Variants in TAF1B observed in about 807,000 individuals in gnomAD.
TAF1B encodes the protein TATA-box binding protein associated factor, RNA polymerase I subunit B.
TAF1B carries 61 observed loss-of-function variants against 83.9 expected under a neutral mutation model. That is an observed-to-expected ratio of 0.73 (90% CI 0.59 to 0.90). TAF1B has a LOEUF of 0.90. Ranked by LOEUF, TAF1B falls within the 40% of genes least tolerant of loss-of-function variation. The pLI is 0.00. For synonymous variants in TAF1B, 221 were observed against 224.6 expected, an observed-to-expected ratio of 0.98 and a Z score of 0.14; for missense variants, 625 against 677.0, an observed-to-expected ratio of 0.92 and a Z score of 0.85.
intron 8 of TAF1B, among the ~76,000 whole-genome samples, chr2:9,900,163 A>G (rs1490200585): frequency 6.6e-6 from 1 of 152,256 alleles, no homozygotes; most frequent in Non-Finnish European, 1.5e-5. Context: ...TCAGACAGGC[A>G]GGAGCTTAGC....
intron 5 of TAF1B, among the ~76,000 whole-genome samples, chr2:9,858,836 T>C (rs1287491593): frequency 6.6e-6 from 1 of 152,162 alleles, no homozygotes; most frequent in Non-Finnish European, 1.5e-5. Context: ...CTGCACAAAG[T>C]AACTGAGCCC....
intron 5 of TAF1B, 27 bp downstream of exon 5, chr2:9,854,448 T>A (rs1663494259): frequency 6.5e-7 from 1 of 1,539,158 alleles, no homozygotes; most frequent in East Asian, 2.2e-5. Flanking sequence ...AAAAGTTGGA[T>A]TAAAAAACAT....
At position 9,919,734 on chromosome 2, in the gene TAF1B, C is replaced by T; in HGVS notation, c.1479C>T (p.Ser493=). The change falls in exon 14 of 15, where the codon AGC becomes AGT. Residue 493 remains serine, a synonymous_variant. Transcript: ENST00000263663. ...DTDRTCFHGH[S]LQGVLKEKGQ... is the part of the protein sequence containing the mutation. ...ATAGAACGTGTTTCCATGGACACAG[C>T]CTTCAGGGAGTCCTGAAAGAGAAAG... 6.2e-7 allele frequency: 1 copy of T among 1,614,180 alleles called. No homozygotes were observed. The highest frequency in any genetic ancestry group is 8.5e-7 in the Non-Finnish European group (1 of 1,180,032).
intron 14 of TAF1B, 44 bp downstream of exon 14, chr2:9,919,864 G>A (rs1164725090): frequency 2.6e-6 from 4 of 1,548,692 alleles, no homozygotes; most frequent in East Asian, 4.7e-5. Flanking sequence ...TGAAGTAGTT[G>A]ACTGTATAAG....
rs1255528571 is a variant in TAF1B at position 9,868,391 on chromosome 2, C to T, written c.515C>T (p.Thr172Ile). The change falls in exon 6 of 15, where the codon ACT (threonine) becomes ATT (isoleucine). Residue 172 changes from threonine to isoleucine, a missense_variant. Thr to Ile is a moderately conservative substitution (Grantham distance 89). Coordinates refer to ENST00000263663, the MANE Select transcript of TAF1B (RefSeq NM_005680.3). ...SGAESQSDIH[T>I]RKPFPVSKAS... ...GCGGAGTCTCAGTCTGACATCCACACTCGAAAACCTTTCCCCGTCAGCAAA... is the reference window on the plus strand; with the variant it reads ...GCGGAGTCTCAGTCTGACATCCACATTCGAAAACCTTTCCCCGTCAGCAAA... 3.1e-6 allele frequency: 5 copies of T among 1,613,600 alleles called. No homozygotes were observed. In the African/African-American group the frequency reaches 6.7e-5, roughly 22 times the overall value.
chr2:9,879,275 A>G (rs1026879856), intron 7 of TAF1B, among the ~76,000 whole-genome samples: 17 of 152,190 alleles, frequency 1.1e-4, no homozygotes, highest in African/African-American at 4.1e-4. Context: ...ATTAAGTAAA[A>G]TATAAGGGGT....
intron 8 of TAF1B, among the ~76,000 whole-genome samples, chr2:9,883,779 A>C (rs1372801743): frequency 6.6e-6 from 1 of 152,260 alleles, no homozygotes; most frequent in Non-Finnish European, 1.5e-5. Flanking sequence ...CAAAGGATTA[A>C]GAGTACTCCC....
intron 8 of TAF1B, among the ~76,000 whole-genome samples, chr2:9,883,110 T>A (rs1275853115): frequency 2.6e-5 from 4 of 152,206 alleles, no homozygotes; most frequent in Non-Finnish European, 5.9e-5. Context: ...TTCAATTTTT[T>A]AAAAATAAAA....
chr2:9,930,385 C>T (rs151122519), intron 14 of TAF1B, among the ~76,000 whole-genome samples: 7,374 of 152,226 alleles, frequency 0.048, 234 homozygotes, highest in Non-Finnish European at 0.073. Flanking sequence ...TGTCTTTGTT[C>T]TCATTGGTTT....
intron 9 of TAF1B, among the ~76,000 whole-genome samples, chr2:9,906,539 G>C (rs1009723206): frequency 3.3e-5 from 5 of 152,122 alleles, no homozygotes; most frequent in Non-Finnish European, 7.4e-5. Flanking sequence ...CCAAAAGAAA[G>C]GGAAGGGTTA....
chr2:9,847,938 T>C (rs1451249534), intron 2 of TAF1B, among the ~76,000 whole-genome samples: 1 of 152,246 alleles, frequency 6.6e-6, no homozygotes, highest in Non-Finnish European at 1.5e-5. Flanking sequence ...TACTTTTATC[T>C]AAACATTTGC....
intron 13 of TAF1B, 142 bp downstream of exon 13, chr2:9,919,253 A>C (rs1334190897): frequency 2.9e-6 from 2 of 679,386 alleles, no homozygotes; most frequent in Non-Finnish European, 5.0e-6. Context: ...CCAAAGGAGC[A>C]TCATACTCTG....
intron 8 of TAF1B, among the ~76,000 whole-genome samples, chr2:9,904,063 C>T (rs960568984): frequency 1.3e-5 from 2 of 152,124 alleles, no homozygotes; most frequent in Non-Finnish European, 2.9e-5. Flanking sequence ...TTTTCTTAAG[C>T]ATTCCAAATA....
In TAF1B at chr2:9,919,635, GGTCGA is replaced by G; in HGVS notation, c.1384_1388del (p.Glu462AsnfsTer18). 1 of 1,614,058 alleles carries G rather than the reference GGTCGA, an allele frequency of 6.2e-7. No homozygotes were observed. Among genetic ancestry groups the G allele is most frequent in the Non-Finnish European group, 8.5e-7 (1 of 1,180,012 alleles). On this transcript the variant is annotated frameshift_variant, in exon 14 of 15. Transcript: ENST00000263663. LOFTEE classifies it high-confidence loss of function. ...ATCTACAGAAACAATTTAGCACACT[GGTCGA>G]GTCAACAGCAACTGCTGGAAAAAAA...
At chr2:9,910,564 C>A (rs1426627128) in intron 9 of TAF1B, among the ~76,000 whole-genome samples, 172 bp from the exon 10 acceptor site, 4 of 152,178 alleles carry the variant, frequency 2.6e-5, no homozygotes, top group Non-Finnish European at 5.9e-5. Flanking sequence ...TTTTAAGATT[C>A]TACCATTCAT....
intron 14 of TAF1B, among the ~76,000 whole-genome samples, chr2:9,921,869 G>A (rs1035241541): frequency 5.3e-5 from 8 of 152,178 alleles, no homozygotes; most frequent in East Asian, 3.9e-4. Context: ...TAATAATAGC[G>A]AAAAGGCCAT....
intron 1 of TAF1B, 166 bp downstream of exon 1, chr2:9,843,725 G>A: frequency 1.5e-6 from 1 of 680,192 alleles, no homozygotes; most frequent in South Asian, 2.3e-5. Flanking sequence ...CTGGCCGGCC[G>A]CATGCGCGCG....
Position 9,875,893 on chromosome 2 carries a change from T to C in TAF1B, c.582T>C (p.Asp194=), listed in dbSNP as rs1239714098. ...SETSVCSGSL[D]GVEYSQRKEK... is the part of the protein sequence containing the mutation. The stretch of plus-strand genomic sequence containing the variant: ...CGTCTGTCTGCTCTGGATCTCTGGA[T>C]GGAGTTGAATACTCACAACGAAAGG... Residue 194 remains aspartate (D), a synonymous_variant, in exon 7 of 15, where the codon GAT becomes GAC. Transcript: ENST00000263663. 3.1e-6 allele frequency: 5 copies of C among 1,608,956 alleles called. No homozygotes were observed. Among genetic ancestry groups the C allele is most frequent in the Non-Finnish European group, 4.3e-6 (5 of 1,176,062 alleles).
intron 12 of TAF1B, 189 bp downstream of exon 12, chr2:9,913,438 G>A (rs1420385439): frequency 2.1e-6 from 1 of 467,536 alleles, no homozygotes; most frequent in Non-Finnish European, 3.8e-6. Flanking sequence ...TAGATTTGAT[G>A]TGGATTTCAC....
Sources: gnomAD v4.1 joint callset for allele counts (sites outside exome capture counted in the v4.1 genomes callset) on GRCh38, gnomAD v4.1.1 for gene constraint, MANE v1.5 for transcripts, NCBI Gene and HGNC (gene_info 2026-07-23, HGNC 2026-07-21) for gene names.